SLC2A13: variants seen among roughly 807,000 people sequenced by gnomAD.
SLC2A13 encodes proton myo-inositol cotransporter.
In SLC2A13, 32 loss-of-function variants were observed where a neutral mutation model predicts 64.4. The observed-to-expected ratio is 0.50, with a 90% CI of 0.37 to 0.67. SLC2A13 has a LOEUF of 0.67. Among genes scored for constraint, SLC2A13 ranks in the 30% least tolerant of loss-of-function variants. The probability of loss-of-function intolerance (pLI) is 0.00; values close to 1 mark genes in which losing one functional copy is unlikely to be tolerated. For missense variants in SLC2A13, 743 were observed against 829.2 expected, an observed-to-expected ratio of 0.90 and a Z score of 1.28; for synonymous variants, 338 against 327.1, an observed-to-expected ratio of 1.03 and a Z score of -0.36.
chr12:39,961,952 C>A (rs1946421705), intron 3 of SLC2A13, among the ~76,000 whole-genome samples: 1 of 152,192 alleles, frequency 6.6e-6, no homozygotes, highest in Non-Finnish European at 1.5e-5. Context: ...AACTTTAATA[C>A]ATGTACCAAA....
chr12:39,950,875 A>G, intron 4 of SLC2A13: 1 of 233,490 alleles, frequency 4.3e-6, no homozygotes, highest in Non-Finnish European at 8.2e-6. Flanking sequence ...AAAAGAAATG[A>G]ATTAGTTATC....
intron 3 of SLC2A13, among the ~76,000 whole-genome samples, chr12:39,977,382 G>A (rs934413979): frequency 1.3e-5 from 2 of 152,206 alleles, no homozygotes; most frequent in African/African-American, 4.8e-5. Context: ...TAGCAACTGA[G>A]TCAAACAGAA....
At chr12:40,028,234 C>T in intron 3 of SLC2A13, 67 bp downstream of exon 3, 2 of 1,150,456 alleles carry the variant, frequency 1.7e-6, no homozygotes, top group Non-Finnish European at 2.5e-6. Context: ...CACACACGCA[C>T]ACAAAATAAT....
At chr12:39,975,761 A>G (rs1246891357) in intron 3 of SLC2A13, among the ~76,000 whole-genome samples, 1 of 152,230 alleles carries the variant, frequency 6.6e-6, no homozygotes, top group East Asian at 1.9e-4. Flanking sequence ...CTTTAAATGC[A>G]AGTATTTTTA....
chr12:39,850,116 C>A (rs1943428443), intron 6 of SLC2A13, among the ~76,000 whole-genome samples: 1 of 152,096 alleles, frequency 6.6e-6, no homozygotes, highest in South Asian at 2.1e-4. Flanking sequence ...TGACTCCAAC[C>A]AACTCCTTTC....
intron 7 of SLC2A13, among the ~76,000 whole-genome samples, chr12:39,826,428 AGT>A (rs1456127650): frequency 6.6e-6 from 1 of 150,476 alleles, no homozygotes; most frequent in African/African-American, 2.4e-5. Flanking sequence ...TTGTAAAAAC[AGT>A]TATATTTAGA....
At chr12:39,951,792 G>A (rs566981106) in intron 3 of SLC2A13, among the ~76,000 whole-genome samples, 65 of 152,134 alleles carry the variant, frequency 4.3e-4, no homozygotes, top group South Asian at 1.5e-3. Context: ...TTAATCAACC[G>A]TAAGAAAAGC....
At chr12:40,083,164 C>T (rs149987418) in intron 1 of SLC2A13, among the ~76,000 whole-genome samples, 182 of 152,226 alleles carry the variant, frequency 1.2e-3, no homozygotes, top group Non-Finnish European at 4.0e-4. Context: ...AAAACATTTG[C>T]TGTGCCCCTT....
intron 2 of SLC2A13, among the ~76,000 whole-genome samples, chr12:40,040,850 C>T (rs188174444): frequency 5.9e-5 from 9 of 152,124 alleles, no homozygotes; most frequent in East Asian, 1.9e-4. Context: ...TCTATTAGCA[C>T]GAAATTTTAA....
At chr12:39,967,003 T>C (rs1418150248) in intron 3 of SLC2A13, among the ~76,000 whole-genome samples, 1 of 152,176 alleles carries the variant, frequency 6.6e-6, no homozygotes, top group South Asian at 2.1e-4. Flanking sequence ...CTGTTTTATT[T>C]TGAGGCATGT....
chr12:39,962,635 T>C (rs1946435010), intron 3 of SLC2A13, among the ~76,000 whole-genome samples: 1 of 152,240 alleles, frequency 6.6e-6, no homozygotes, highest in Admixed American at 6.5e-5. Flanking sequence ...TTTCACAATA[T>C]GCTGTCATTC....
chr12:39,805,931 C>CA (rs1941966367), intron 7 of SLC2A13, among the ~76,000 whole-genome samples: 1 of 152,144 alleles, frequency 6.6e-6, no homozygotes, highest in Non-Finnish European at 1.5e-5. Flanking sequence ...TTGAATCTAA[C>CA]AGCAAGAGAC....
Position 40,105,407 on chromosome 12 carries a change from C to G in SLC2A13, c.402G>C (p.Ser134=). 6.4e-7 allele frequency: 1 copy of G among 1,551,294 alleles called. No homozygotes were observed. Among genetic ancestry groups the G allele is most frequent in the East Asian group, 2.4e-5 (1 of 40,954 alleles). ...VSSTVGAAAV[S]ALAGGALNGV... ...CGTTGAGGGCGCCTCCGGCCAGCGC[C>G]GAGACGGCAGCCGCCCCCACCGTGC... The change falls in exon 1 of 10, where the codon TCG becomes TCC. Residue 134 remains serine, a synonymous_variant. Transcript: ENST00000280871. This position sits in a 1 kb window ranked among gnomAD's most constrained non-coding sequence, Gnocchi z 4.2.
intron 3 of SLC2A13, among the ~76,000 whole-genome samples, chr12:39,995,541 C>A (rs923419220): frequency 3.3e-5 from 5 of 152,110 alleles, no homozygotes; most frequent in Non-Finnish European, 5.9e-5. Flanking sequence ...ATTAATTCCT[C>A]CAGATTTTTA....
intron 6 of SLC2A13, among the ~76,000 whole-genome samples, chr12:39,831,365 T>A (rs1463520772): frequency 2.0e-5 from 3 of 152,112 alleles, no homozygotes; most frequent in African/African-American, 7.2e-5. Flanking sequence ...ATGTTGTCAT[T>A]AAAGATCAGT....
chr12:39,886,449 A>T (rs1443583105), intron 4 of SLC2A13, among the ~76,000 whole-genome samples: 1 of 152,156 alleles, frequency 6.6e-6, no homozygotes, highest in Non-Finnish European at 1.5e-5. Context: ...ATGAAGTGTG[A>T]TCTGAAGAAG....
At chr12:40,067,328 A>G (rs1011415031) in intron 1 of SLC2A13, among the ~76,000 whole-genome samples, 2 of 152,184 alleles carry the variant, frequency 1.3e-5, no homozygotes, top group African/African-American at 2.4e-5. Flanking sequence ...CAGCCTCCTG[A>G]GTAGATAGGG....
chr12:40,042,975 A>T (rs1407084104), intron 2 of SLC2A13, among the ~76,000 whole-genome samples: 1 of 151,786 alleles, frequency 6.6e-6, no homozygotes, highest in Non-Finnish European at 1.5e-5. Context: ...AAAAAAAAAA[A>T]AACTAGAAAC....
intron 1 of SLC2A13, among the ~76,000 whole-genome samples, chr12:40,058,549 A>G (rs561954999): frequency 2.0e-5 from 3 of 152,290 alleles, no homozygotes; most frequent in East Asian, 3.9e-4. Flanking sequence ...CTGAAAAAAA[A>G]GAGAGGGAAC....
Sources: gnomAD v4.1 joint callset for allele counts (sites outside exome capture counted in the v4.1 genomes callset) on GRCh38, gnomAD v4.1.1 for gene constraint, Gnocchi (gnomAD v3.1) non-coding constraint, MANE v1.5 for transcripts, NCBI Gene and HGNC (gene_info 2026-07-23, HGNC 2026-07-21) for gene names.